Variants in DHRS7C observed in about 807,000 individuals in gnomAD.
DHRS7C encodes dehydrogenase/reductase SDR family member 7C.
DHRS7C carries 28 observed loss-of-function variants against 29.6 expected under a neutral mutation model. That is an observed-to-expected ratio of 0.95 (90% confidence interval 0.70 to 1.30). The LOEUF is 1.30. DHRS7C is among the 50% of genes most tolerant of loss of function. The pLI is 0.00. For missense variants in DHRS7C, 403 were observed against 393.3 expected (o/e 1.02, Z -0.21); for synonymous variants, 158 against 160.2 (o/e 0.99, Z 0.10).
rs575972793 is a variant in DHRS7C, at chr17:9,777,549, T to A, written c.479-264A>T. Among the ~76,000 whole-genome samples, 17 of 149,658 alleles carry A rather than the reference T, an allele frequency of 1.1e-4. No individual in the cohort carries two copies. The South Asian group carries it at 1.3e-3, about 11-fold the overall frequency. ...TGACACTGATTTCTTTTTTTTTTTT[T>A]AAATGCATATTTATATTTATTTTAT... is the stretch of plus-strand genomic sequence containing the variant. On this transcript the variant is annotated intron_variant, in intron 3 of 5. Transcript: ENST00000571134.
At chr17:9,780,126 G>A in intron 2 of DHRS7C, 91 bp from the exon 3 acceptor site, 15 of 995,416 alleles carry the variant, frequency 1.5e-5, no homozygotes, top group South Asian at 5.7e-5. Flanking sequence ...CACCCATTTT[G>A]AAATTCAAAG....
At position 9,781,572 on chromosome 17, in the gene DHRS7C, TG is replaced by T. The variant is rs763135869; in HGVS notation, c.176del (p.Thr59LysfsTer16). On this transcript the variant is annotated frameshift_variant, in exon 2 of 6. Coordinates refer to ENST00000571134, the MANE Select transcript of DHRS7C (RefSeq NM_001105571.3). LOFTEE classifies it high-confidence loss of function. The stretch of plus-strand genomic sequence containing the variant: ...CACACAGCACCAGCCTTGCCCCACC[TG>T]TGTGGAACACCCGAGCACACTCTGT... ...LGKECARVFHTGGARLVLCGK... is the reference protein window; with the variant it reads ...LGKECARVFHXGGARLVLCGK... The T allele has an allele frequency of 8.8e-5, 142 of 1,613,826 alleles. 1 individual carries two copies. The highest frequency in any genetic ancestry group is 9.3e-6 in the Non-Finnish European group (11 of 1,179,886).
Position 9,791,029 on chromosome 17 carries a change from C to T in DHRS7C, c.154+102G>A, listed in dbSNP as rs188274070. 1.9e-5 allele frequency: 27 copies of T among 1,394,114 alleles called. No individual in the cohort carries two copies. The East Asian group carries it at 3.1e-4, about 16-fold the overall frequency. The allele number at this position is 1,394,114 out of a possible 1,614,324, so 86.4% of individuals were successfully genotyped here. A position where few individuals can be genotyped will look rare whatever the true frequency, so the allele number is the denominator to read the frequency against. ...GAACACAGGATCGATCCCCTCCCAC[C>T]GAGCAGGTTTGCCCACACAGCGCCC... On this transcript the variant is annotated intron_variant, in intron 1 of 5. Transcript: ENST00000571134.
chr17:9,786,093 C>A (rs941771390), intron 1 of DHRS7C, among the ~76,000 whole-genome samples: 3 of 151,792 alleles, frequency 2.0e-5, no homozygotes, highest in African/African-American at 7.3e-5. Context: ...GAGGCCGAGG[C>A]GGGTGGATTA....
intron 2 of DHRS7C, 116 bp from the exon 3 acceptor site, chr17:9,780,151 G>T: frequency 9.5e-6 from 6 of 628,486 alleles, no homozygotes; most frequent in Middle Eastern, 4.8e-4. Context: ...TGAAATGACT[G>T]AAAAAAAAAA....
intron 4 of DHRS7C, 136 bp from the exon 5 acceptor site, chr17:9,773,058 C>G: frequency 9.0e-7 from 1 of 1,106,786 alleles, no homozygotes; most frequent in Non-Finnish European, 1.3e-6. Context: ...GAATCTGCCC[C>G]TCACTTTACA....
At chr17:9,791,060 C>A in intron 1 of DHRS7C, 71 bp downstream of exon 1, 2 of 1,528,028 alleles carry the variant, frequency 1.3e-6, no homozygotes, top group South Asian at 1.3e-5. Context: ...CGCCCTGCCG[C>A]CCTGCCACCC....
At chr17:9,778,616 C>T (rs537018888) in intron 3 of DHRS7C, among the ~76,000 whole-genome samples, 1 of 152,324 alleles carries the variant, frequency 6.6e-6, no homozygotes, top group African/African-American at 2.4e-5. Flanking sequence ...GGCCTGTTTG[C>T]TGTGTCCACA....
Position 9,777,255 on chromosome 17 carries a change from G to C in DHRS7C, c.509C>G (p.Thr170Arg). The C allele has an allele frequency of 6.2e-7, 1 of 1,613,758 alleles. No individual in the cohort carries two copies. Among genetic ancestry groups the C allele is most frequent in the Non-Finnish European group, 8.5e-7 (1 of 1,179,822 alleles). ...ATTATTCACTAACACGATTTGGCCT[G>C]TTCTCCGGGAGATCATGTTGGGAAG... ...ALLPNMISRR[T>R]GQIVLVNNIQ... Residue 170 changes from threonine to arginine, a missense_variant, in exon 4 of 6, where the codon ACA becomes AGA. Physicochemically the swap from Thr to Arg is moderately conservative, Grantham distance 71 (BLOSUM62 -1). Coordinates refer to ENST00000571134, the MANE Select transcript of DHRS7C (RefSeq NM_001105571.3).
At chr17:9,781,796 G>C (rs1490462903) in intron 1 of DHRS7C, among the ~76,000 whole-genome samples, 1 of 152,198 alleles carries the variant, frequency 6.6e-6, no homozygotes, top group Non-Finnish European at 1.5e-5. Context: ...TTCCGTGAAA[G>C]TGAGCTCATA....
chr17:9,781,909 C>A (rs1050770978), intron 1 of DHRS7C, among the ~76,000 whole-genome samples: 2 of 152,170 alleles, frequency 1.3e-5, no homozygotes, highest in Non-Finnish European at 2.9e-5. Context: ...CCCCCAGGAC[C>A]GCAGCCCTAG....
chr17:9,771,507 T>C lies in DHRS7C; in HGVS notation c.917A>G (p.Asn306Ser). 1 of 1,547,244 alleles carries C rather than the reference T, an allele frequency of 6.5e-7. No individual in the cohort carries two copies. Among genetic ancestry groups the C allele is most frequent in the Non-Finnish European group, 8.7e-7 (1 of 1,143,314 alleles). The change falls in exon 6 of 6, where the codon AAT becomes AGT. Residue 306 changes from asparagine to serine, a missense_variant. By Grantham distance (46) the Asn-to-Ser change is conservative (BLOSUM62 1). Transcript: ENST00000571134. ...CTGCAGTTACCCCTCCTCCGGGACA[T>C]TGAGCTTCTCCTTCACCCCACAGGC... is the stretch of plus-strand genomic sequence containing the variant. ...VVACGVKEKL[N>S]VPEEG
chr17:9,781,573 G>A lies in DHRS7C; in HGVS notation c.176C>T (p.Thr59Ile). 6.2e-7 allele frequency: 1 copy of A among 1,613,632 alleles called. No individual in the cohort carries two copies. The highest frequency in any genetic ancestry group is 8.5e-7 in the Non-Finnish European group (1 of 1,179,860). ...ACACAGCACCAGCCTTGCCCCACCT[G>A]TGTGGAACACCCGAGCACACTCTGT... ...LGKECARVFHTGGARLVLCGK... is the reference protein window; with the variant it reads ...LGKECARVFHIGGARLVLCGK... Residue 59 changes from threonine to isoleucine, a missense_variant, in exon 2 of 6, where the codon ACA becomes ATA. By Grantham distance (89) the Thr-to-Ile change is moderately conservative. Transcript: ENST00000571134.
chr17:9,779,282 TCA>T (rs2066380415), intron 3 of DHRS7C, among the ~76,000 whole-genome samples: 1 of 152,258 alleles, frequency 6.6e-6, no homozygotes, highest in East Asian at 1.9e-4. Context: ...CACGTAGGAA[TCA>T]CCATCTTACT....
At chr17:9,771,750 G>T in intron 5 of DHRS7C, 54 bp from the exon 6 acceptor site, 1 of 1,347,678 alleles carries the variant, frequency 7.4e-7, no homozygotes, top group Non-Finnish European at 9.6e-7. Context: ...GACCCGGCTG[G>T]TCAGAGCCCT....
Position 9,791,199 on chromosome 17 carries a change from AG to A in DHRS7C, c.85del (p.Leu29CysfsTer13). On this transcript the variant is annotated frameshift_variant, in exon 1 of 6. Transcript: ENST00000571134. LOFTEE classifies it high-confidence loss of function. ...LLFIYQEVSR[L>X]WSKSAVQNKV... ...GTTCTGCACAGCTGACTTTGACCACAGCCTGGACACCTCTTGGTAAATGAAG... is the reference window on the plus strand; with the variant it reads ...GTTCTGCACAGCTGACTTTGACCACACCTGGACACCTCTTGGTAAATGAAG... 1 of 1,613,798 alleles carries A rather than the reference AG, an allele frequency of 6.2e-7. No homozygotes were observed. Among genetic ancestry groups the A allele is most frequent in the Non-Finnish European group, 8.5e-7 (1 of 1,179,826 alleles).
At chr17:9,782,680 A>G (rs1361227136) in intron 1 of DHRS7C, among the ~76,000 whole-genome samples, 2 of 152,154 alleles carry the variant, frequency 1.3e-5, no homozygotes, top group Non-Finnish European at 1.5e-5. Context: ...TTTGCAGCCA[A>G]CTCTTACAGT....
intron 3 of DHRS7C, among the ~76,000 whole-genome samples, chr17:9,778,273 A>C (rs940002114): frequency 6.6e-6 from 1 of 152,088 alleles, no homozygotes; most frequent in South Asian, 2.1e-4. Context: ...GGGCGCCTGT[A>C]GTCCCAGCTA....
intron 1 of DHRS7C, among the ~76,000 whole-genome samples, chr17:9,788,575 G>A (rs1303891030): frequency 2.6e-5 from 4 of 152,218 alleles, no homozygotes; most frequent in Non-Finnish European, 4.4e-5. Context: ...GCCAAATCCA[G>A]GAGGTTTAGA....
Sources: gnomAD v4.1 joint callset for allele counts (sites outside exome capture counted in the v4.1 genomes callset) on GRCh38, gnomAD v4.1.1 for gene constraint, MANE v1.5 for transcripts, NCBI Gene and HGNC (gene_info 2026-07-23, HGNC 2026-07-21) for gene names.